The following MCPH1 variants were observed in gnomAD, a reference collection of about 807,000 sequenced individuals.
MCPH1 encodes microcephalin.
MCPH1 carries 104 observed loss-of-function variants against 84.5 expected under a neutral mutation model. The ratio of observed to expected loss-of-function variants is 1.23; its 90% CI spans 1.05 to 1.45. The LOEUF is 1.45. MCPH1 is among the 40% of genes most tolerant of loss of function. The probability of loss-of-function intolerance (pLI) is 0.00; values close to 1 mark genes in which losing one functional copy is unlikely to be tolerated. For missense variants in MCPH1, 1,498 were observed against 1,005.7 expected (o/e 1.49, Z -6.62); for synonymous variants, 514 against 366.8 (o/e 1.40, Z -4.58).
intron 12 of MCPH1, among the ~76,000 whole-genome samples, chr8:6,561,195 C>A (rs1825480319): frequency 6.6e-6 from 1 of 152,204 alleles, no homozygotes; most frequent in Non-Finnish European, 1.5e-5. Flanking sequence ...TAAAAGCAAA[C>A]CACAGTGACC....
At chr8:6,450,971 G>T (rs984678396) in intron 8 of MCPH1, among the ~76,000 whole-genome samples, 3 of 152,164 alleles carry the variant, frequency 2.0e-5, no homozygotes, top group Admixed American at 6.5e-5. Context: ...GCCTCCCAAA[G>T]TGCTGGGATT....
intron 3 of MCPH1, among the ~76,000 whole-genome samples, chr8:6,430,243 A>T: frequency 6.6e-6 from 1 of 152,072 alleles, no homozygotes; most frequent in East Asian, 1.9e-4. Flanking sequence ...AAATTTGTAC[A>T]TTTTTGCAGA....
At chr8:6,600,766 C>T (rs753373924) in intron 12 of MCPH1, among the ~76,000 whole-genome samples, 9 of 152,162 alleles carry the variant, frequency 5.9e-5, no homozygotes, top group Middle Eastern at 3.2e-3. Context: ...AGCTGAGCAA[C>T]GCAGGAGGCA....
At chr8:6,608,785 C>T (rs949299576) in intron 12 of MCPH1, among the ~76,000 whole-genome samples, 45 of 152,300 alleles carry the variant, frequency 3.0e-4, no homozygotes, top group African/African-American at 1.1e-3. Context: ...GAACCACGGG[C>T]ATGGTAAAAT....
chr8:6,489,396 G>T (rs1189010036), intron 11 of MCPH1, among the ~76,000 whole-genome samples: 3 of 152,046 alleles, frequency 2.0e-5, no homozygotes, highest in Non-Finnish European at 4.4e-5. Flanking sequence ...TCAGAAGGGG[G>T]ACTGTCTCAG....
At chr8:6,416,557 T>A (rs1799330534) in intron 3 of MCPH1, among the ~76,000 whole-genome samples, 1 of 152,250 alleles carries the variant, frequency 6.6e-6, no homozygotes, top group South Asian at 2.1e-4. Flanking sequence ...GATGTTTTTC[T>A]GCATGACTGA....
chr8:6,555,714 C>T (rs1032238759), intron 12 of MCPH1, among the ~76,000 whole-genome samples: 6 of 152,128 alleles, frequency 3.9e-5, no homozygotes, highest in South Asian at 4.1e-4. Flanking sequence ...CCACCCGCTT[C>T]GGCCTCCGAA....
At chr8:6,517,830 C>T (rs1259788588) in intron 12 of MCPH1, among the ~76,000 whole-genome samples, 1 of 152,176 alleles carries the variant, frequency 6.6e-6, no homozygotes, top group Non-Finnish European at 1.5e-5. Flanking sequence ...CTCCCTGGAT[C>T]AGATTGTGAC....
At chr8:6,626,467 T>G in intron 13 of MCPH1, 1 of 966,390 alleles carries the variant, frequency 1.0e-6, no homozygotes, top group Non-Finnish European at 1.2e-6. Context: ...TTTGGTTTTT[T>G]TGTTTTGTTT....
chr8:6,500,601 A>G (rs1206111095), intron 12 of MCPH1: 1 of 152,542 alleles, frequency 6.6e-6, no homozygotes, highest in African/African-American at 2.4e-5. Flanking sequence ...AAAACATAAC[A>G]AGGAGTTGAA....
Position 6,480,848 on chromosome 8 carries a change from G to A in MCPH1, c.2108G>A (p.Arg703His), listed in dbSNP as rs370275760. The A allele has an allele frequency of 1.4e-4, 230 of 1,614,170 alleles. No individual in the cohort carries two copies. The highest frequency in any genetic ancestry group is 2.8e-4 in the Admixed American group (17 of 60,028). ...CTGAATGTGCTGCTGGGAATTGCGC[G>A]TGGCTGCTGGGTTCTCTCTTATGAT... ...RTLNVLLGIA[R>H]GCWVLSYDWV... Residue 703 changes from arginine to histidine, a missense_variant, in exon 11 of 14, where the codon CGT becomes CAT. By Grantham distance (29) the Arg-to-His change is conservative (BLOSUM62 0). Transcript: ENST00000344683.
At chr8:6,523,641 G>A (rs1218474932) in intron 12 of MCPH1, among the ~76,000 whole-genome samples, 1 of 152,130 alleles carries the variant, frequency 6.6e-6, no homozygotes, top group Non-Finnish European at 1.5e-5. Context: ...CTGGGCTGTT[G>A]TGCAGTGGCG....
chr8:6,626,603 G>A (rs1160127386), intron 13 of MCPH1: 12 of 983,256 alleles, frequency 1.2e-5, no homozygotes, highest in Non-Finnish European at 1.4e-5. Flanking sequence ...ACCTGATATT[G>A]ATAATACATA....
chr8:6,445,016 G>C lies in MCPH1; in HGVS notation c.1294G>C (p.Glu432Gln), dbSNP rs1024644025. 6.2e-7 allele frequency: 1 copy of C among 1,614,180 alleles called. No homozygotes were observed. Among genetic ancestry groups the C allele is most frequent in the East Asian group, 2.2e-5 (1 of 44,880 alleles). ...KERYSENLPPESQLPSSPAQL... is the reference protein window; with the variant it reads ...KERYSENLPPQSQLPSSPAQL... ...AAGGTATTCAGAGAATCTTCCTCCT[G>C]AATCTCAGCTGCCATCAAGCCCTGC... The change falls in exon 8 of 14, where the codon GAA becomes CAA. Residue 432 changes from glutamate (E) to glutamine (Q), a missense_variant. Coordinates refer to ENST00000344683, the MANE Select transcript of MCPH1 (RefSeq NM_024596.5).
intron 2 of MCPH1, among the ~76,000 whole-genome samples, chr8:6,410,856 A>G (rs993702450): frequency 6.6e-6 from 1 of 152,162 alleles, no homozygotes; most frequent in Admixed American, 6.5e-5. Flanking sequence ...TTAGGAGGCC[A>G]AGGCAGGCGG....
At chr8:6,524,197 C>T (rs1437190771) in intron 12 of MCPH1, among the ~76,000 whole-genome samples, 1 of 152,134 alleles carries the variant, frequency 6.6e-6, no homozygotes, top group Non-Finnish European at 1.5e-5. Flanking sequence ...ACCTCATATT[C>T]CCTTTTTTGA....
At chr8:6,480,906 A>G (rs546456675) in intron 11 of MCPH1, 30 bp downstream of exon 11, 2 of 1,611,332 alleles carry the variant, frequency 1.2e-6, no homozygotes, top group Non-Finnish European at 1.7e-6. Context: ...TGCGTATTTT[A>G]AAACAAGGCA....
intron 5 of MCPH1, among the ~76,000 whole-genome samples, chr8:6,437,957 A>G (rs1054082900): frequency 1.3e-5 from 2 of 152,200 alleles, no homozygotes; most frequent in African/African-American, 2.4e-5. Flanking sequence ...ACTTTAAACC[A>G]GAAGGACATC....
At chr8:6,575,195 C>G (rs938446835) in intron 12 of MCPH1, among the ~76,000 whole-genome samples, 1 of 152,182 alleles carries the variant, frequency 6.6e-6, no homozygotes, top group African/African-American at 2.4e-5. Context: ...GCAGGAAGAC[C>G]TATTTTCCTG....
Sources: gnomAD v4.1 joint callset for allele counts (sites outside exome capture counted in the v4.1 genomes callset) on GRCh38, gnomAD v4.1.1 for gene constraint, MANE v1.5 for transcripts, NCBI Gene and HGNC (gene_info 2026-07-23, HGNC 2026-07-21) for gene names.